The following TRMT2A variants were observed in gnomAD, a reference collection of about 807,000 sequenced individuals.
The protein encoded by TRMT2A is tRNA (uracil-5-)-methyltransferase homolog A.
TRMT2A carries 60 observed loss-of-function variants against 59.3 expected under a neutral mutation model. The ratio of observed to expected loss-of-function variants is 1.01; its 90% CI spans 0.82 to 1.26. The LOEUF (loss-of-function observed/expected upper bound fraction) is 1.26. Among genes scored for constraint, TRMT2A ranks in the 50% most tolerant of loss-of-function variants. The pLI is 0.00. For synonymous variants in TRMT2A, 403 were observed against 353.7 expected (o/e 1.14, Z -1.56); for missense variants, 863 against 845.2 (o/e 1.02, Z -0.26).
rs1281360817 is a variant in TRMT2A, at chr22:20,116,431, G to A, written c.206C>T (p.Thr69Ile). 7 of 1,612,606 alleles carry A rather than the reference G, an allele frequency of 4.3e-6. No individual in the cohort carries two copies. The highest frequency in any genetic ancestry group is 2.2e-5 in the East Asian group (1 of 44,880). Reference sequence around the variant, plus strand: ...CAGCTCCAGTTTAAAGATCTCAGAGGTAAACAAGTCATCCCTGATGTAGCT... The same window carrying A: ...CAGCTCCAGTTTAAAGATCTCAGAGATAAACAAGTCATCCCTGATGTAGCT... The part of the protein sequence containing the change: ...LYSYIRDDLF[T>I]SEIFKLELQN... Residue 69 changes from threonine to isoleucine, a missense_variant, in exon 2 of 12, where the codon ACC becomes ATC. Physicochemically the swap from Thr to Ile is moderately conservative, Grantham distance 89. Transcript: ENST00000252136.
chr22:20,113,398 C>CCG, intron 9 of TRMT2A, 34 bp downstream of exon 9: 3 of 1,544,156 alleles, frequency 1.9e-6, no homozygotes, highest in Non-Finnish European at 2.7e-6. Flanking sequence ...CGGCTGCCCC[C>CCG]ATCCCCACCC....
At chr22:20,115,126 G>C (rs1166311538) in intron 4 of TRMT2A, 47 bp from the exon 5 acceptor site, 1 of 1,564,814 alleles carries the variant, frequency 6.4e-7, no homozygotes, top group South Asian at 1.1e-5. Context: ...TGGGCAAGCA[G>C]TCCCCCTGCT....
chr22:20,115,489 G>A (rs77201758), intron 3 of TRMT2A, 42 bp from the exon 4 acceptor site: 85,721 of 1,584,578 alleles, frequency 0.054, 2,586 homozygotes, highest in South Asian at 0.098. Flanking sequence ...GCTGCCCAGC[G>A]CTTGGGCCTG....
Position 20,116,373 on chromosome 22 carries a change from G to A in TRMT2A, c.264C>T (p.Asp88=), listed in dbSNP as rs750291857. Residue 88 remains aspartate (D), a synonymous_variant, in exon 2 of 12, where the codon GAC becomes GAT. Coordinates refer to ENST00000252136, the MANE Select transcript of TRMT2A (RefSeq NM_022727.6). ...CAAAGCGGCCCAGGAAGCGCCGGAC[G>A]TCGCTGAAGCTGGCGTGGCGAGGCA... is the stretch of plus-strand genomic sequence containing the variant. ...QNVPRHASFS[D]VRRFLGRFGL... The A allele has an allele frequency of 5.6e-6, 9 of 1,612,306 alleles. No homozygotes were observed. Among genetic ancestry groups the A allele is most frequent in the Admixed American group, 1.7e-5 (1 of 60,020 alleles).
chr22:20,113,293 C>T, intron 9 of TRMT2A, 59 bp from the exon 10 acceptor site: 1 of 1,512,142 alleles, frequency 6.6e-7, no homozygotes. Flanking sequence ...CAGGGCCAGC[C>T]CTGGGGAACC....
At chr22:20,112,842 G>GGGGC in intron 11 of TRMT2A, 48 bp from the exon 12 acceptor site, 3 of 1,612,556 alleles carry the variant, frequency 1.9e-6, no homozygotes, top group Non-Finnish European at 2.5e-6. Context: ...AGGCTAATCA[G>GGGGC]GGGCTCCTGT....
rs2049893456 is a variant in TRMT2A at position 20,113,002 on chromosome 22, TGGAATCTGA to T, written c.1550-4_1554del. 1.9e-6 allele frequency: 3 copies of T among 1,613,568 alleles called. No homozygotes were observed. The South Asian group carries it at 3.3e-5, about 18-fold the overall frequency. ...GCTCTCCGGATGGCCAGGATCACCT[TGGAATCTGA>T]GGAGGCAAACACCAGCTGGGTCCCC... On this transcript the variant is annotated splice_acceptor_variant and splice_polypyrimidine_tract_variant and coding_sequence_variant and intron_variant, in exon 11 of 12. Transcript: ENST00000252136. LOFTEE classifies it high-confidence loss of function.
chr22:20,116,463 C>T lies in TRMT2A; in HGVS notation c.174G>A (p.Gly58=), dbSNP rs1334027700. 2.5e-6 allele frequency: 4 copies of T among 1,612,908 alleles called. No individual in the cohort carries two copies. Among genetic ancestry groups the T allele is most frequent in the South Asian group, 1.1e-5 (1 of 91,078 alleles). The change falls in exon 2 of 12, where the codon GGG becomes GGA. Residue 58 remains glycine (G), a synonymous_variant. Transcript: ENST00000252136. ...AGTCATCCCTGATGTAGCTGTAGAGCCCGGGCTGAGGCCCCGGCCCTGTAG... is the reference window on the plus strand; with the variant it reads ...AGTCATCCCTGATGTAGCTGTAGAGTCCGGGCTGAGGCCCCGGCCCTGTAG... ...GAATGPGPQP[G]LYSYIRDDLF... is the part of the protein sequence containing the mutation.
Position 20,115,760 on chromosome 22 carries a change from C to T in TRMT2A, c.620G>A (p.Arg207His), listed in dbSNP as rs148611083. Residue 207 changes from arginine (R) to histidine (H), a missense_variant, in exon 3 of 12, where the codon CGT (arginine) becomes CAT (histidine). Transcript: ENST00000252136. ...KLAKEIGSTN[R>H]ALLPWLLEQR... ...CTCGAGCAGCCAGGGCAGCAAGGCA[C>T]GGTTGGTGCTCCCGATTTCCCTGTA... The T allele has an allele frequency of 1.4e-5, 23 of 1,609,440 alleles. No homozygotes were observed. Among genetic ancestry groups the T allele is most frequent in the African/African-American group, 1.2e-4 (9 of 74,862 alleles).
In TRMT2A at chr22:20,112,697, T is replaced by C; in HGVS notation, c.1744A>G (p.Met582Val). Reference protein sequence around the residue: ...DLFPQTPHCEMLILFERVEHP... With the variant: ...DLFPQTPHCEVLILFERVEHP... ...TCCACCCTCTCAAACAGGATGAGCA[T>C]CTCACAGTGCGGGGTCTGCGGGAAC... The change falls in exon 12 of 12, where the codon ATG becomes GTG. Residue 582 changes from methionine to valine, a missense_variant. Coordinates refer to ENST00000252136, the MANE Select transcript of TRMT2A (RefSeq NM_022727.6). 1 of 1,613,980 alleles carries C rather than the reference T, an allele frequency of 6.2e-7. No homozygotes were observed. The highest frequency in any genetic ancestry group is 8.5e-7 in the Non-Finnish European group (1 of 1,180,006).
Position 20,116,918 on chromosome 22 carries a change from T to G in TRMT2A, c.-12A>C, listed in dbSNP as rs773687655. 3 of 1,533,268 alleles carry G rather than the reference T, an allele frequency of 2.0e-6. No individual in the cohort carries two copies. Among genetic ancestry groups the G allele is most frequent in the South Asian group, 2.3e-5 (2 of 86,790 alleles). The allele number at this position is 1,533,268 out of a possible 1,614,324, so 95.0% of individuals were successfully genotyped here. The stretch of plus-strand genomic sequence containing the variant: ...AGGTTCTCACTCATCGCCCAGGCGG[T>G]TCTCCGCCTAGACCAGGGACGCCAT... On this transcript the variant is annotated 5_prime_UTR_variant, in exon 1 of 12. Transcript: ENST00000252136.
In TRMT2A at chr22:20,112,972, T is replaced by G; in HGVS notation, c.1585A>C (p.Asn529His). The G allele has an allele frequency of 3.1e-6, 5 of 1,613,754 alleles. No individual in the cohort carries two copies. The highest frequency in any genetic ancestry group is 3.4e-6 in the Non-Finnish European group (4 of 1,179,986). ...GAGACGTACAGCAGCCGCCTGAGGT[T>G]CTTAGCTCTCCGGATGGCCAGGATC... is the stretch of plus-strand genomic sequence containing the variant. The part of the protein sequence containing the change: ...KVILAIRRAK[N>H]LRRLLYVSCN... Residue 529 changes from asparagine (N) to histidine (H), a missense_variant, in exon 11 of 12, where the codon AAC (asparagine) becomes CAC (histidine). Physicochemically the swap from Asn to His is moderately conservative, Grantham distance 68. Transcript: ENST00000252136.
At position 20,112,356 on chromosome 22, in the gene TRMT2A, C is replaced by T. The variant is rs951602364; in HGVS notation, c.*207G>A. On this transcript the variant is annotated 3_prime_UTR_variant, in exon 12 of 12. Coordinates refer to ENST00000252136, the MANE Select transcript of TRMT2A (RefSeq NM_022727.6). Reference sequence around the variant, plus strand: ...ACAGCCTTGGCTAGTCCACAAAGGCCCTGGGGATGGGCAACAGGCTACAGG... The same window carrying T: ...ACAGCCTTGGCTAGTCCACAAAGGCTCTGGGGATGGGCAACAGGCTACAGG... 1.6e-6 allele frequency: 1 copy of T among 634,954 alleles called. No individual in the cohort carries two copies. The highest frequency in any genetic ancestry group is 2.7e-6 in the Non-Finnish European group (1 of 367,958). 39.3% of individuals were successfully genotyped at this position (634,954 alleles called of 1,614,324 possible). A position where few individuals can be genotyped will look rare whatever the true frequency, so the allele number is the denominator to read the frequency against.
intron 2 of TRMT2A, 122 bp downstream of exon 2, chr22:20,115,916 G>T: frequency 1.4e-6 from 2 of 1,395,000 alleles, no homozygotes; most frequent in Non-Finnish European, 1.9e-6. Flanking sequence ...TGTCTTGCTG[G>T]CTAGCTCCCA....
chr22:20,115,099 GC>G lies in TRMT2A; in HGVS notation c.891-21del. 1 of 1,576,904 alleles carries G rather than the reference GC, an allele frequency of 6.3e-7. No individual in the cohort carries two copies. ...GTGGACCTGTGGGAATCACGAGCTG[GC>G]CCAAGTGCCCACAACTGGGCAAGCA... On this transcript the variant is annotated intron_variant, in intron 4 of 11. Transcript: ENST00000252136.
At chr22:20,116,008 C>T in intron 2 of TRMT2A, 30 bp downstream of exon 2, 1 of 1,532,084 alleles carries the variant, frequency 6.5e-7, no homozygotes. Context: ...AGAGCCCTGG[C>T]CAAGAGGGGC....
chr22:20,112,514 TGG>T lies in TRMT2A; in HGVS notation c.*47_*48del. 2.5e-6 allele frequency: 4 copies of T among 1,581,444 alleles called. No homozygotes were observed. Among genetic ancestry groups the T allele is most frequent in the Non-Finnish European group, 3.4e-6 (4 of 1,161,834 alleles). On this transcript the variant is annotated 3_prime_UTR_variant, in exon 12 of 12. Transcript: ENST00000252136. ...CAGCAAGCCATGCCTTCCCCGCCCCTGGGGCCCTGGGAGCCCTTCAGCTCCTG... is the reference window on the plus strand; with the variant it reads ...CAGCAAGCCATGCCTTCCCCGCCCCTGGCCCTGGGAGCCCTTCAGCTCCTG...
Position 20,112,590 on chromosome 22 carries a change from T to C in TRMT2A, c.1851A>G (p.Gln617=). The change falls in exon 12 of 12, where the codon CAA becomes CAG. Residue 617 remains glutamine, a synonymous_variant. Transcript: ENST00000252136. The stretch of plus-strand genomic sequence containing the variant: ...AGGATGAGGGGAAGGTCCCAGTTTC[T>C]TGTAGGGTGTTATCTGGGGGTCCTG... ...PTPGPPDNTL[Q]ETGTFPSS 1 of 1,614,028 alleles carries C rather than the reference T, an allele frequency of 6.2e-7. No homozygotes were observed. Among genetic ancestry groups the C allele is most frequent in the Non-Finnish European group, 8.5e-7 (1 of 1,180,018 alleles).
Position 20,115,666 on chromosome 22 carries a change from T to C in TRMT2A, c.708+6A>G, listed in dbSNP as rs79886149. 87,712 of 1,612,740 alleles carry C rather than the reference T, an allele frequency of 0.054. 2,657 individuals carry two copies. Among genetic ancestry groups the C allele is most frequent in the South Asian group, 0.099 (8,995 of 91,082 alleles). On this transcript the variant is annotated splice_donor_region_variant and intron_variant, in intron 3 of 11. Transcript: ENST00000252136. The stretch of plus-strand genomic sequence containing the variant: ...GGGGTTTGTGGCCACCGAAGTCTAG[T>C]CTGACCTGCTGGGGTGATGGCCTGA...
Sources: allele counts gnomAD v4.1 joint callset, GRCh38; gene constraint gnomAD v4.1.1; transcripts MANE v1.5; gene names NCBI Gene and HGNC (gene_info 2026-07-23, HGNC 2026-07-21).